The following ACY3 variants were observed in gnomAD, a reference collection of about 807,000 sequenced individuals.
The protein encoded by ACY3 is N-acyl-aromatic-L-amino acid amidohydrolase (carboxylate-forming).
ACY3 carries 20 observed loss-of-function variants against 24.6 expected under a neutral mutation model. That is an observed-to-expected ratio of 0.81 (90% confidence interval 0.57 to 1.18). The LOEUF is 1.18. Ranked by LOEUF, ACY3 falls within the 50% of genes most tolerant of loss-of-function variation. The pLI, the probability that ACY3 is intolerant of heterozygous loss-of-function variation, is 0.00. For synonymous variants in ACY3, 174 were observed against 188.4 expected (o/e 0.92, Z 0.62); for missense variants, 423 against 426.8 (o/e 0.99, Z 0.08).
chr11:67,647,352 G>A (rs989993415), intron 2 of ACY3, among the ~76,000 whole-genome samples, 164 bp downstream of exon 2: 5 of 152,210 alleles, frequency 3.3e-5, no homozygotes, highest in Admixed American at 1.3e-4. Context: ...AGAGGACTGC[G>A]CTCCTTTTTA....
rs764204392 is a variant in ACY3 at position 67,645,187 on chromosome 11, A to C, written c.527-35T>G. ...AGGAAGCAAGGGGTTAGGCAGGTGC[A>C]GGACCCATATACTCCTTGAAGAGGC... On this transcript the variant is annotated intron_variant, in intron 5 of 7. Transcript: ENST00000255082. 18 of 1,605,774 alleles carry C rather than the reference A, an allele frequency of 1.1e-5. No homozygotes were observed. In the Admixed American group the frequency reaches 2.9e-4, roughly 25 times the overall value.
At position 67,645,044 on chromosome 11, in the gene ACY3, C is replaced by T. The variant is rs1314350786; in HGVS notation, c.634+1G>A. 6.2e-7 allele frequency: 1 copy of T among 1,613,800 alleles called. No individual in the cohort carries two copies. Among genetic ancestry groups the T allele is most frequent in the South Asian group, 1.1e-5 (1 of 91,092 alleles). On this transcript the variant is annotated splice_donor_variant, in intron 6 of 7. Transcript: ENST00000255082. LOFTEE classifies it high-confidence loss of function. ...TTCCCGAAAGTCCCCTGGGGTCTCA[C>T]CCTGGTTGAAGAGTTCGATGAAGTC... is the stretch of plus-strand genomic sequence containing the variant.
intron 5 of ACY3, 55 bp downstream of exon 5, chr11:67,645,232 A>C (rs1424352337): frequency 1.2e-6 from 2 of 1,606,124 alleles, no homozygotes; most frequent in African/African-American, 1.3e-5. Context: ...TGGTGACTGG[A>C]CCCGCCCCTC....
Position 67,646,987 on chromosome 11 carries a change from G to A in ACY3, c.57C>T (p.Gly19=). Reference sequence around the variant, plus strand: ...CGCCCGACATCTCGTTGCCATGCGTGCCCCCAGTCACAGCCACGCGACGCA... The same window carrying A: ...CGCCCGACATCTCGTTGCCATGCGTACCCCCAGTCACAGCCACGCGACGCA... ...EPLRRVAVTG[G]THGNEMSGVY... is the part of the protein sequence containing the mutation. The change falls in exon 3 of 8, where the codon GGC becomes GGT. Residue 19 remains glycine, a synonymous_variant. Coordinates refer to ENST00000255082, the MANE Select transcript of ACY3 (RefSeq NM_080658.2). 6.4e-7 allele frequency: 1 copy of A among 1,567,026 alleles called. No homozygotes were observed. Among genetic ancestry groups the A allele is most frequent in the Admixed American group, 1.9e-5 (1 of 52,998 alleles).
chr11:67,643,607 G>A (rs1002035255), intron 7 of ACY3, among the ~76,000 whole-genome samples: 12 of 152,092 alleles, frequency 7.9e-5, no homozygotes, highest in African/African-American at 1.9e-4. Flanking sequence ...GAACTCAGGA[G>A]GCGGAGGTTG....
Position 67,645,693 on chromosome 11 carries a change from TG to T in ACY3, c.430del (p.Gln144SerfsTer52). The T allele has an allele frequency of 1.3e-6, 2 of 1,598,786 alleles. No individual in the cohort carries two copies. Among genetic ancestry groups the T allele is most frequent in the South Asian group, 2.3e-5 (2 of 88,798 alleles). On this transcript the variant is annotated frameshift_variant and splice_region_variant, in exon 4 of 8. Coordinates refer to ENST00000255082, the MANE Select transcript of ACY3 (RefSeq NM_080658.2). LOFTEE classifies it high-confidence loss of function. ...CTGTGTGCTTGGGGCCGGGGCCACC[TG>T]CAGATGGCGGCACAGGTGCATGGCA... ...VFAMHLCRHL[Q>X]LQYPELSCQV...
At chr11:67,646,779 T>C in intron 3 of ACY3, 29 bp downstream of exon 3, 1 of 1,604,316 alleles carries the variant, frequency 6.2e-7, no homozygotes, top group Non-Finnish European at 8.5e-7. Flanking sequence ...CCCAACTGCC[T>C]GGGCCAACCT....
At position 67,647,304 on chromosome 11, in the gene ACY3, C is replaced by T. The variant is rs548550832; in HGVS notation, c.-21+212G>A. Among the ~76,000 whole-genome samples the T allele has an allele frequency of 7.9e-5, 12 of 152,298 alleles. No individual in the cohort carries two copies. The South Asian group carries it at 2.3e-3, about 29-fold the overall frequency. ...AATTGAGAAGAGGGGCCCAACTGTT[C>T]AGGAAGATGGGTTCACCAAGGCACA... On this transcript the variant is annotated intron_variant, in intron 2 of 7. Transcript: ENST00000255082.
At chr11:67,644,923 G>C in intron 6 of ACY3, 54 bp from the exon 7 acceptor site, 2 of 1,598,478 alleles carry the variant, frequency 1.3e-6, no homozygotes, top group Non-Finnish European at 1.7e-6. Context: ...CTAGGGGACA[G>C]ACTGGGCCGT....
At chr11:67,649,650 G>A (rs376111183) in intron 1 of ACY3, among the ~76,000 whole-genome samples, 6 of 149,728 alleles carry the variant, frequency 4.0e-5, no homozygotes, top group African/African-American at 1.3e-4. Flanking sequence ...GTGTGCGTGC[G>A]TGTGTACATG....
chr11:67,646,986 T>C lies in ACY3; in HGVS notation c.58A>G (p.Thr20Ala). 1 of 1,568,376 alleles carries C rather than the reference T, an allele frequency of 6.4e-7. No individual in the cohort carries two copies. Among genetic ancestry groups the C allele is most frequent in the Admixed American group, 1.9e-5 (1 of 53,164 alleles). Reference protein sequence around the residue: ...PLRRVAVTGGTHGNEMSGVYL... With the variant: ...PLRRVAVTGGAHGNEMSGVYL... ...ACGCCCGACATCTCGTTGCCATGCG[T>C]GCCCCCAGTCACAGCCACGCGACGC... The change falls in exon 3 of 8, where the codon ACG (threonine) becomes GCG (alanine). Residue 20 changes from threonine to alanine, a missense_variant. Thr to Ala is a moderately conservative substitution (Grantham distance 58). Transcript: ENST00000255082.
intron 4 of ACY3, 37 bp from the exon 5 acceptor site, chr11:67,645,417 A>C: frequency 1.3e-6 from 2 of 1,597,694 alleles, no homozygotes; most frequent in South Asian, 2.2e-5. Flanking sequence ...GCCCAGGCCT[A>C]CTTGGGAAGG....
intron 1 of ACY3, among the ~76,000 whole-genome samples, chr11:67,648,495 A>G (rs1189087210): frequency 6.6e-6 from 1 of 152,136 alleles, no homozygotes; most frequent in African/African-American, 2.4e-5. Flanking sequence ...AGCTGAGGCC[A>G]GTTCCGAAGT....
chr11:67,650,255 A>G (rs1229455504), intron 1 of ACY3, among the ~76,000 whole-genome samples: 3 of 152,062 alleles, frequency 2.0e-5, no homozygotes, highest in South Asian at 2.1e-4. Flanking sequence ...TCAGCATCCA[A>G]TTAGATCATG....
chr11:67,650,527 T>C (rs1855606927), intron 1 of ACY3, 56 bp downstream of exon 1: 1 of 152,220 alleles, frequency 6.6e-6, no homozygotes, highest in African/African-American at 2.4e-5. Context: ...TCCTAACTTC[T>C]TGAGGCTCAC....
rs1855525668 is a variant in ACY3 at position 67,646,837 on chromosome 11, G to T, written c.207C>A (p.Leu69=). ...SGCRRYVDHD[L]NRTFTSSFLN... is the part of the protein sequence containing the mutation. Reference sequence around the variant, plus strand: ...GGAAGCTGCTGGTGAAGGTGCGGTTGAGGTCATGGTCCACGTAGCGGCGGC... The same window carrying T: ...GGAAGCTGCTGGTGAAGGTGCGGTTTAGGTCATGGTCCACGTAGCGGCGGC... The change falls in exon 3 of 8, where the codon CTC becomes CTA. Residue 69 remains leucine (L), a synonymous_variant. Coordinates refer to ENST00000255082, the MANE Select transcript of ACY3 (RefSeq NM_080658.2). 1 of 1,613,128 alleles carries T rather than the reference G, an allele frequency of 6.2e-7. No individual in the cohort carries two copies.
rs778344985 is a variant in ACY3 at position 67,642,693 on chromosome 11, G to T, written c.*31C>A. 3.4e-5 allele frequency: 54 copies of T among 1,609,716 alleles called. No individual in the cohort carries two copies. Among genetic ancestry groups the T allele is most frequent in the Non-Finnish European group, 4.6e-5 (54 of 1,176,110 alleles). On this transcript the variant is annotated 3_prime_UTR_variant, in exon 8 of 8. Coordinates refer to ENST00000255082, the MANE Select transcript of ACY3 (RefSeq NM_080658.2). ...GCCTCAGGACCCATCGTTCAGATGG[G>T]AAGACTGAGGTTGGGGAGGTGTGTC...
rs1439234218 is a variant in ACY3, at chr11:67,646,947, G to A, written c.97C>T (p.His33Tyr). 6.3e-7 allele frequency: 1 copy of A among 1,597,654 alleles called. No homozygotes were observed. The highest frequency in any genetic ancestry group is 1.3e-5 in the African/African-American group (1 of 74,702). ...NEMSGVYLAR[H>Y]WLHAPAELQR... Reference sequence around the variant, plus strand: ...AGCTCTGCGGGGGCATGCAGCCAGTGCCGGGCCAGGTAGACGCCCGACATC... The same window carrying A: ...AGCTCTGCGGGGGCATGCAGCCAGTACCGGGCCAGGTAGACGCCCGACATC... Residue 33 changes from histidine (H) to tyrosine (Y), a missense_variant, in exon 3 of 8, where the codon CAC becomes TAC. Transcript: ENST00000255082.
intron 4 of ACY3, 72 bp downstream of exon 4, chr11:67,645,620 C>T: frequency 6.6e-7 from 1 of 1,508,694 alleles, no homozygotes. Context: ...AAGGAGGTTC[C>T]AGCATTGTCC....
Sources: gnomAD v4.1 joint callset for allele counts (sites outside exome capture counted in the v4.1 genomes callset) on GRCh38, gnomAD v4.1.1 for gene constraint, MANE v1.5 for transcripts, NCBI Gene and HGNC (gene_info 2026-07-23, HGNC 2026-07-21) for gene names.